ALG5: variants seen among roughly 807,000 people sequenced by gnomAD.
ALG5 encodes the protein ALG5 dolichyl-phosphate beta-glucosyltransferase, also known as dolichyl-phosphate beta-glucosyltransferase.
Under a neutral mutation model 51.8 loss-of-function variants are expected in ALG5, and 26 were observed. That is an observed-to-expected ratio of 0.50 (90% CI 0.37 to 0.70). The LOEUF (loss-of-function observed/expected upper bound fraction) is 0.70, where lower values mean the gene tolerates loss of function less well. Among genes scored for constraint, ALG5 ranks in the 30% least tolerant of loss-of-function variants. The pLI is 0.00. For missense variants in ALG5, 311 were observed against 399.3 expected, an observed-to-expected ratio of 0.78 and a Z score of 1.88; for synonymous variants, 141 against 136.1, an observed-to-expected ratio of 1.04 and a Z score of -0.25.
intron 6 of ALG5, among the ~76,000 whole-genome samples, chr13:36,978,980 T>C (rs974712310): frequency 2.0e-5 from 3 of 151,356 alleles, no homozygotes; most frequent in East Asian, 3.9e-4. Context: ...CAGGTACTGG[T>C]TGAGTGCTGA....
At chr13:36,957,565 A>G (rs1444207102) in intron 8 of ALG5, among the ~76,000 whole-genome samples, 1 of 150,852 alleles carries the variant, frequency 6.6e-6, no homozygotes, top group East Asian at 1.9e-4. Flanking sequence ...CGAGAAAATG[A>G]ACGAAACACT....
At chr13:36,969,928 A>G (rs1002057567) in intron 7 of ALG5, among the ~76,000 whole-genome samples, 6 of 152,012 alleles carry the variant, frequency 3.9e-5, no homozygotes, top group African/African-American at 1.4e-4. Context: ...ATGTTATTAA[A>G]TAGTCTCCAT....
chr13:36,962,591 A>C (rs1043105751), intron 8 of ALG5, among the ~76,000 whole-genome samples: 3 of 152,130 alleles, frequency 2.0e-5, no homozygotes, highest in Non-Finnish European at 4.4e-5. Flanking sequence ...TCAGCCTCCC[A>C]AAGTGCTAGG....
chr13:36,977,674 C>T (rs989835457), intron 6 of ALG5, among the ~76,000 whole-genome samples: 1 of 150,854 alleles, frequency 6.6e-6, no homozygotes, highest in Non-Finnish European at 1.5e-5. Context: ...CACCTGTATT[C>T]CCAGCTACTT....
intron 8 of ALG5, among the ~76,000 whole-genome samples, chr13:36,960,745 G>T (rs543299979): frequency 1.3e-5 from 2 of 151,294 alleles, no homozygotes; most frequent in Non-Finnish European, 1.5e-5. Flanking sequence ...GGGTTCAAGT[G>T]ATTCTTCTGC....
At position 36,978,649 on chromosome 13, in the gene ALG5, C is replaced by T. The variant is rs576035263; in HGVS notation, c.562-6613G>A. 4.5e-3 allele frequency among the ~76,000 whole-genome samples: 681 copies of T among 151,506 alleles called. 2 individuals carry two copies. The highest frequency in any genetic ancestry group is 7.1e-3 in the Non-Finnish European group (483 of 67,834). On this transcript the variant is annotated intron_variant, in intron 6 of 9. Coordinates refer to ENST00000239891, the MANE Select transcript of ALG5 (RefSeq NM_013338.5). Reference sequence around the variant, plus strand: ...AATGTTAGCCGGGCGTGGTGGCTCACGCCTGTAATCCCAGCATTTTGGGAG... The same window carrying T: ...AATGTTAGCCGGGCGTGGTGGCTCATGCCTGTAATCCCAGCATTTTGGGAG...
At chr13:36,951,879 G>T (rs1434657089) in intron 9 of ALG5, among the ~76,000 whole-genome samples, 1 of 152,168 alleles carries the variant, frequency 6.6e-6, no homozygotes, top group African/African-American at 2.4e-5. Context: ...TTGCCTCTCG[G>T]GTTCAAGCAA....
intron 4 of ALG5, 97 bp downstream of exon 4, chr13:36,993,507 C>T: frequency 1.9e-6 from 2 of 1,029,590 alleles, no homozygotes; most frequent in Middle Eastern, 2.0e-4. Context: ...TTAGGCACAG[C>T]TTTAGGGTCC....
chr13:36,962,176 G>A (rs1321918890), intron 8 of ALG5, among the ~76,000 whole-genome samples: 1 of 152,134 alleles, frequency 6.6e-6, no homozygotes. Flanking sequence ...TGAAAGTTCT[G>A]AGAAAAATTT....
chr13:36,986,350 G>C lies in ALG5; in HGVS notation c.448-610C>G, dbSNP rs115218036. On this transcript the variant is annotated intron_variant, in intron 5 of 9. Coordinates refer to ENST00000239891, the MANE Select transcript of ALG5 (RefSeq NM_013338.5). ...TATGCCATTCAATTCTGAATTGGCT[G>C]GTCTTTTGTGCAAATTATGGCTCCA... Among the ~76,000 whole-genome samples the C allele has an allele frequency of 2.6e-3, 389 of 152,258 alleles. 2 individuals carry two copies. The highest frequency in any genetic ancestry group is 9.2e-3 in the African/African-American group (381 of 41,546).
At chr13:36,976,105 G>T (rs1416575980) in intron 6 of ALG5, among the ~76,000 whole-genome samples, 3 of 151,836 alleles carry the variant, frequency 2.0e-5, no homozygotes, top group African/African-American at 7.3e-5. Flanking sequence ...AAACGTTTGG[G>T]GGATGTTTTA....
chr13:36,972,671 TGA>T (rs756001543), intron 6 of ALG5, among the ~76,000 whole-genome samples: 8 of 152,074 alleles, frequency 5.3e-5, no homozygotes, highest in Admixed American at 6.5e-5. Flanking sequence ...TCATGATATA[TGA>T]GAGGATATAG....
intron 7 of ALG5, chr13:36,967,761 C>G (rs770347835): frequency 8.6e-7 from 1 of 1,166,546 alleles, no homozygotes; most frequent in African/African-American, 1.6e-5. Context: ...CAAAATACTT[C>G]CAATAAATAC....
chr13:36,995,345 A>G, intron 2 of ALG5, 80 bp downstream of exon 2: 1 of 1,437,388 alleles, frequency 7.0e-7, no homozygotes, highest in Non-Finnish European at 9.5e-7. Context: ...TGTTTTGGCA[A>G]AGACAGTGAA....
At chr13:36,963,825 G>A (rs1478285309) in intron 8 of ALG5, among the ~76,000 whole-genome samples, 2 of 152,118 alleles carry the variant, frequency 1.3e-5, no homozygotes, top group African/African-American at 4.8e-5. Flanking sequence ...GTATAAAAAT[G>A]GACATATACT....
At chr13:36,967,237 A>AT (rs1441688396) in intron 7 of ALG5, among the ~76,000 whole-genome samples, 1 of 151,282 alleles carries the variant, frequency 6.6e-6, no homozygotes, top group Admixed American at 6.6e-5. Context: ...AAAAAAAAAA[A>AT]GAAAAAAAGA....
At chr13:36,996,513 C>A (rs1436088197) in intron 1 of ALG5, among the ~76,000 whole-genome samples, 2 of 152,080 alleles carry the variant, frequency 1.3e-5, no homozygotes, top group South Asian at 2.1e-4. Context: ...AAGTAGTCAA[C>A]CTGAATGGGC....
At chr13:36,963,248 C>T (rs1169868825) in intron 8 of ALG5, among the ~76,000 whole-genome samples, 1 of 152,144 alleles carries the variant, frequency 6.6e-6, no homozygotes, top group East Asian at 1.9e-4. Flanking sequence ...CATCTTTTTA[C>T]TTTTTAAATG....
intron 8 of ALG5, among the ~76,000 whole-genome samples, chr13:36,955,703 A>AAG (rs2058836772): frequency 6.7e-6 from 1 of 150,240 alleles, no homozygotes; most frequent in African/African-American, 2.4e-5. Context: ...AAAAAAAAAA[A>AAG]AAAAAAAAAG....
Sources: allele counts gnomAD v4.1 joint callset (sites outside exome capture counted in the v4.1 genomes callset), GRCh38; gene constraint gnomAD v4.1.1; transcripts MANE v1.5; gene names NCBI Gene and HGNC (gene_info 2026-07-23, HGNC 2026-07-21).